The following LMBR1 variants were observed in gnomAD, a reference collection of about 807,000 sequenced individuals.
LMBR1 encodes limb region 1 protein homolog.
Under a neutral mutation model 73.9 loss-of-function variants are expected in LMBR1, and 52 were observed. That is an observed-to-expected ratio of 0.70 (90% CI 0.56 to 0.89). The LOEUF is 0.89. LMBR1 is among the 40% of genes least tolerant of loss of function. LMBR1 has a pLI of 0.00. For missense variants in LMBR1, 539 were observed against 579.8 expected (o/e 0.93, Z 0.72); for synonymous variants, 215 against 209.4 (o/e 1.03, Z -0.23).
intron 1 of LMBR1, among the ~76,000 whole-genome samples, chr7:156,855,666 C>CAAA (rs35231167): frequency 1.6e-4 from 14 of 87,288 alleles, no homozygotes; most frequent in Non-Finnish European, 1.8e-4. Context: ...AACGTAAATA[C>CAAA]AAAAAAAAAA....
chr7:156,887,463 CAA>C (rs60786872), intron 1 of LMBR1, among the ~76,000 whole-genome samples: 140 of 52,660 alleles, frequency 2.7e-3, no homozygotes, highest in East Asian at 6.3e-3. Context: ...GACTCCATCT[CAA>C]AAAAAAAAAA....
intron 1 of LMBR1, among the ~76,000 whole-genome samples, chr7:156,879,395 T>C (rs1215642514): frequency 6.6e-6 from 1 of 152,028 alleles, no homozygotes; most frequent in African/African-American, 2.4e-5. Context: ...CCGGGCACGG[T>C]GGCTCACGCC....
chr7:156,671,650 G>A (rs1382566280), intron 4 of LMBR1, among the ~76,000 whole-genome samples: 2 of 150,864 alleles, frequency 1.3e-5, no homozygotes, highest in East Asian at 2.0e-4. Flanking sequence ...GCAGGACGCC[G>A]ATGTTTGCGG....
intron 15 of LMBR1, among the ~76,000 whole-genome samples, chr7:156,714,943 A>T (rs1812886759): frequency 6.6e-6 from 1 of 151,416 alleles, no homozygotes. Context: ...CTTATAAAAA[A>T]ATACTTTTTT....
At chr7:156,737,918 G>A (rs1433352259) in intron 9 of LMBR1, among the ~76,000 whole-genome samples, 2 of 152,150 alleles carry the variant, frequency 1.3e-5, no homozygotes, top group African/African-American at 2.4e-5. Flanking sequence ...GGAGGGCGGA[G>A]CAAGATGACC....
At chr7:156,765,058 ATAGT>A (rs1379861767) in intron 5 of LMBR1, among the ~76,000 whole-genome samples, 1 of 152,214 alleles carries the variant, frequency 6.6e-6, no homozygotes, top group Non-Finnish European at 1.5e-5. Context: ...ATGAGATCTC[ATAGT>A]AAGTAGCTAT....
intron 9 of LMBR1, among the ~76,000 whole-genome samples, chr7:156,737,385 T>G (rs1208291792): frequency 2.0e-5 from 3 of 152,220 alleles, no homozygotes; most frequent in Non-Finnish European, 4.4e-5. Context: ...GTAGGATCTT[T>G]GTCCCCAGTG....
chr7:156,825,302 T>C (rs7784470), intron 4 of LMBR1, among the ~76,000 whole-genome samples: 5 of 151,940 alleles, frequency 3.3e-5, no homozygotes, highest in South Asian at 2.1e-4. Context: ...ACCAACTAAC[T>C]ACATTAACAA....
At chr7:156,792,919 A>G (rs982833598) in intron 5 of LMBR1, among the ~76,000 whole-genome samples, 9 of 151,958 alleles carry the variant, frequency 5.9e-5, no homozygotes, top group African/African-American at 2.2e-4. Context: ...CCACAGGAAA[A>G]AAAAAAAAAA....
chr7:156,811,367 T>G (rs1399298202), intron 4 of LMBR1, among the ~76,000 whole-genome samples: 4 of 151,998 alleles, frequency 2.6e-5, no homozygotes, highest in Non-Finnish European at 5.9e-5. Context: ...ATCCCAGCAC[T>G]TTGGGAGGCC....
At chr7:156,811,690 C>A (rs2133614521) in intron 4 of LMBR1, among the ~76,000 whole-genome samples, 1 of 152,280 alleles carries the variant, frequency 6.6e-6, no homozygotes, top group South Asian at 2.1e-4. Context: ...GCATAGTGGA[C>A]AAGGTCCCCA....
chr7:156,714,086 A>T (rs1812677683), intron 15 of LMBR1, among the ~76,000 whole-genome samples: 1 of 152,218 alleles, frequency 6.6e-6, no homozygotes. Flanking sequence ...GTATGGCCAA[A>T]TGTCTATATA....
Position 156,678,735 on chromosome 7 carries a change from CTTATT to C in LMBR1, c.*5338_*5342del, listed in dbSNP as rs1199325370. The C allele has an allele frequency of 2.0e-5, 3 of 152,162 alleles. No individual in the cohort carries two copies. The highest frequency in any genetic ancestry group is 1.9e-4 in the East Asian group (1 of 5,178). The allele number at this position is 152,162 out of a possible 1,614,324, so 9.4% of individuals were successfully genotyped here. A position where few individuals can be genotyped will look rare whatever the true frequency, so the allele number is the denominator to read the frequency against. Reference sequence around the variant, plus strand: ...CCCTACGGGATGTGGCCATTCCTCCCTTATTTTAACAGGTTGGAACCCACTTGTCT... The same window carrying C: ...CCCTACGGGATGTGGCCATTCCTCCCTTAACAGGTTGGAACCCACTTGTCT... On this transcript the variant is annotated 3_prime_UTR_variant, in exon 17 of 17. Transcript: ENST00000353442.
At chr7:156,735,622 T>C (rs1817725690) in intron 9 of LMBR1, among the ~76,000 whole-genome samples, 1 of 150,972 alleles carries the variant, frequency 6.6e-6, no homozygotes, top group Admixed American at 6.6e-5. Flanking sequence ...GGTTTTTTTG[T>C]TTTTGTTTTT....
chr7:156,735,230 T>G (rs890584355), intron 9 of LMBR1, among the ~76,000 whole-genome samples: 3 of 152,196 alleles, frequency 2.0e-5, no homozygotes, highest in African/African-American at 7.2e-5. Flanking sequence ...TTGTAATAAT[T>G]TACATTTCTA....
At chr7:156,675,205 G>A, downstream of LMBR1, among the ~76,000 whole-genome samples, 1 of 152,238 alleles carries the variant, frequency 6.6e-6, no homozygotes. Context: ...GTTGGATGAG[G>A]ACACAGAGGT....
intron 15 of LMBR1, among the ~76,000 whole-genome samples, chr7:156,700,300 C>A (rs1010084202): frequency 1.3e-5 from 2 of 152,174 alleles, no homozygotes; most frequent in African/African-American, 2.4e-5. Flanking sequence ...GGACAAAAAA[C>A]CAAACACTGC....
At chr7:156,870,582 G>A (rs770408686) in intron 1 of LMBR1, among the ~76,000 whole-genome samples, 1 of 152,040 alleles carries the variant, frequency 6.6e-6, no homozygotes, top group South Asian at 2.1e-4. Context: ...TGGCTAACAC[G>A]GTGAAACCCC....
At chr7:156,767,699 G>C (rs1269189950) in intron 5 of LMBR1, among the ~76,000 whole-genome samples, 2 of 151,516 alleles carry the variant, frequency 1.3e-5, no homozygotes, top group Non-Finnish European at 2.9e-5. Flanking sequence ...AGTTAATATA[G>C]TAAAAAACAG....
Sources: allele counts gnomAD v4.1 joint callset (sites outside exome capture counted in the v4.1 genomes callset), GRCh38; gene constraint gnomAD v4.1.1; transcripts MANE v1.5; gene names NCBI Gene and HGNC (gene_info 2026-07-23, HGNC 2026-07-21).